EXOC6B: variants seen among roughly 807,000 people sequenced by gnomAD.
The protein encoded by EXOC6B is exocyst complex component 6B.
Under a neutral mutation model 113.5 loss-of-function variants are expected in EXOC6B, and 54 were observed. The ratio of observed to expected loss-of-function variants is 0.48; its 90% confidence interval spans 0.38 to 0.60. The LOEUF (loss-of-function observed/expected upper bound fraction) is 0.60. Ranked by LOEUF, EXOC6B falls within the 20% of genes least tolerant of loss-of-function variation. The pLI is 0.00. For missense variants in EXOC6B, 797 were observed against 977.5 expected (o/e 0.82, Z 2.46); for synonymous variants, 357 against 339.0 (o/e 1.05, Z -0.58).
chr2:72,405,500 T>C (rs539249233), intron 18 of EXOC6B, among the ~76,000 whole-genome samples: 1 of 152,306 alleles, frequency 6.6e-6, no homozygotes, highest in East Asian at 1.9e-4. Context: ...TAGTTGCGGA[T>C]CTCTTGGCAG....
chr2:72,611,634 G>A (rs1262077690), intron 6 of EXOC6B, among the ~76,000 whole-genome samples: 1 of 152,034 alleles, frequency 6.6e-6, no homozygotes, highest in Non-Finnish European at 1.5e-5. Context: ...GAGGATATAG[G>A]AACACTTCAT....
chr2:72,574,606 A>T (rs1704719207), intron 7 of EXOC6B, among the ~76,000 whole-genome samples: 2 of 152,212 alleles, frequency 1.3e-5, no homozygotes. Context: ...TTACAAAAAA[A>T]AGGCTACTGA....
intron 6 of EXOC6B, among the ~76,000 whole-genome samples, chr2:72,661,370 C>CAAA (rs200936973): frequency 1.7e-4 from 12 of 69,074 alleles, no homozygotes; most frequent in African/African-American, 4.9e-4. Context: ...CAAGGAATCT[C>CAAA]AAAAAAAAAA....
chr2:72,409,360 T>A (rs1358500939), intron 18 of EXOC6B, among the ~76,000 whole-genome samples: 1 of 152,210 alleles, frequency 6.6e-6, no homozygotes, highest in Non-Finnish European at 1.5e-5. Context: ...AGCCATCCCA[T>A]TACTGGGTAT....
intron 3 of EXOC6B, among the ~76,000 whole-genome samples, chr2:72,732,453 C>T (rs1381899186): frequency 6.6e-6 from 1 of 152,106 alleles, no homozygotes; most frequent in East Asian, 1.9e-4. Flanking sequence ...ATAATCTCAG[C>T]CACTGTGCCT....
At chr2:72,798,976 C>T (rs893513021) in intron 1 of EXOC6B, among the ~76,000 whole-genome samples, 3 of 152,044 alleles carry the variant, frequency 2.0e-5, no homozygotes, top group Admixed American at 6.5e-5. Flanking sequence ...TGGTGGCTCA[C>T]GCCTGTAATC....
chr2:72,508,990 GC>G (rs1558744840), intron 11 of EXOC6B, among the ~76,000 whole-genome samples: 1 of 151,932 alleles, frequency 6.6e-6, no homozygotes. Context: ...TGTTGTTTCT[GC>G]CCCCAAAACT....
At chr2:72,296,920 G>A (rs1014159651) in intron 20 of EXOC6B, among the ~76,000 whole-genome samples, 1 of 152,068 alleles carries the variant, frequency 6.6e-6, no homozygotes, top group Non-Finnish European at 1.5e-5. Flanking sequence ...AGGAGGACAA[G>A]GAACATAATT....
At chr2:72,261,234 G>C (rs1353857156) in intron 20 of EXOC6B, among the ~76,000 whole-genome samples, 1 of 152,204 alleles carries the variant, frequency 6.6e-6, no homozygotes, top group Non-Finnish European at 1.5e-5. Context: ...TGCTTGGAGG[G>C]AGGCGGAACA....
chr2:72,285,071 A>G (rs1306748468), intron 20 of EXOC6B, among the ~76,000 whole-genome samples: 11 of 152,140 alleles, frequency 7.2e-5, no homozygotes, highest in Admixed American at 7.2e-4. Flanking sequence ...GATTCAATGC[A>G]ATCCCAATAT....
At chr2:72,346,944 T>C (rs1455737173) in intron 19 of EXOC6B, among the ~76,000 whole-genome samples, 1 of 152,158 alleles carries the variant, frequency 6.6e-6, no homozygotes. Flanking sequence ...TTCATATTAA[T>C]AGATTTTAAA....
chr2:72,281,471 T>C (rs1231673532), intron 20 of EXOC6B, among the ~76,000 whole-genome samples: 4 of 152,022 alleles, frequency 2.6e-5, no homozygotes, highest in Non-Finnish European at 1.5e-5. Context: ...ATTTAAAAAA[T>C]AAATTCTAGC....
chr2:72,364,704 T>A (rs1278980849), intron 19 of EXOC6B, among the ~76,000 whole-genome samples: 1 of 152,158 alleles, frequency 6.6e-6, no homozygotes, highest in Non-Finnish European at 1.5e-5. Flanking sequence ...CTTCAGTGTT[T>A]CTCCCAGTCC....
chr2:72,506,588 A>G (rs1389390852), intron 11 of EXOC6B, among the ~76,000 whole-genome samples: 5 of 152,186 alleles, frequency 3.3e-5, no homozygotes, highest in Non-Finnish European at 7.4e-5. Flanking sequence ...ACTTAAATGA[A>G]TATCTTATAT....
chr2:72,803,289 T>C (rs1685397885), intron 1 of EXOC6B, among the ~76,000 whole-genome samples: 1 of 150,734 alleles, frequency 6.6e-6, no homozygotes, highest in Non-Finnish European at 1.5e-5. Flanking sequence ...CCAGGGCAAC[T>C]CTCTGGAAAT....
chr2:72,450,264 G>C (rs1696832588), intron 18 of EXOC6B, among the ~76,000 whole-genome samples: 1 of 152,194 alleles, frequency 6.6e-6, no homozygotes, highest in African/African-American at 2.4e-5. Context: ...ACTCTGGTAT[G>C]TGGATATGAT....
rs144663792 is a variant in EXOC6B, at chr2:72,422,497, T to G, written c.1981-42627A>C. Among the ~76,000 whole-genome samples, 728 of 151,016 alleles carry G rather than the reference T, an allele frequency of 4.8e-3. 8 individuals are homozygous for G. Among genetic ancestry groups the G allele is most frequent in the African/African-American group, 0.017 (671 of 40,478 alleles). ...CAGCACCCTGTGTCTAGCTCAAGAT[T>G]TGTGAGTGCACCAATCGACACTCTG... On this transcript the variant is annotated intron_variant, in intron 18 of 21. Coordinates refer to ENST00000272427, the MANE Select transcript of EXOC6B (RefSeq NM_015189.3).
chr2:72,414,396 T>C lies in EXOC6B; in HGVS notation c.1981-34526A>G, dbSNP rs76377565. Among the ~76,000 whole-genome samples, 599 of 152,352 alleles carry C rather than the reference T, an allele frequency of 3.9e-3. 4 individuals are homozygous for C. The highest frequency in any genetic ancestry group is 0.014 in the African/African-American group (573 of 41,582). On this transcript the variant is annotated intron_variant, in intron 18 of 21. Transcript: ENST00000272427. ...TCAAGTGTATGAATAGTTTATCTTA[T>C]TGTCCAATTACTAGAGGTTCAAAAA...
chr2:72,232,286 G>A (rs564479493), intron 20 of EXOC6B, among the ~76,000 whole-genome samples: 10 of 152,054 alleles, frequency 6.6e-5, no homozygotes, highest in African/African-American at 2.2e-4. Context: ...CTGCCTATTA[G>A]CAAAGATTTT....
Sources: allele counts gnomAD v4.1 joint callset (sites outside exome capture counted in the v4.1 genomes callset), GRCh38; gene constraint gnomAD v4.1.1; transcripts MANE v1.5; gene names NCBI Gene and HGNC (gene_info 2026-07-23, HGNC 2026-07-21).